Variants in MSI2 observed in about 807,000 individuals in gnomAD.
The protein encoded by MSI2 is RNA-binding protein Musashi homolog 2.
MSI2 carries 17 observed loss-of-function variants against 45.6 expected under a neutral mutation model. The observed-to-expected ratio is 0.37, with a 90% CI of 0.26 to 0.56. MSI2 has a LOEUF of 0.56. MSI2 is among the 20% of genes least tolerant of loss of function. The pLI is 0.77. For missense variants in MSI2, 293 were observed against 444.2 expected, an observed-to-expected ratio of 0.66 and a Z score of 3.06; for synonymous variants, 156 against 158.2, an observed-to-expected ratio of 0.99 and a Z score of 0.11.
In MSI2 at chr17:57,680,372, A is replaced by G. The variant is rs1452893002; in HGVS notation, c.*855A>G. The G allele has an allele frequency of 2.6e-5, 6 of 227,022 alleles. No individual in the cohort carries two copies. The highest frequency in any genetic ancestry group is 8.9e-5 in the African/African-American group (4 of 44,966). 14.1% of individuals were successfully genotyped at this position (227,022 alleles called of 1,614,324 possible). A position where few individuals can be genotyped will look rare whatever the true frequency, so the allele number is the denominator to read the frequency against. The stretch of plus-strand genomic sequence containing the variant: ...TTGTAAATACAATTCCATTAACTAC[A>G]TAGAAACTATTAAGAAAGAGAGAAT... On this transcript the variant is annotated 3_prime_UTR_variant, in exon 14 of 14. Coordinates refer to ENST00000284073, the MANE Select transcript of MSI2 (RefSeq NM_138962.4).
At chr17:57,581,933 A>G (rs1301493558) in intron 7 of MSI2, among the ~76,000 whole-genome samples, 1 of 152,254 alleles carries the variant, frequency 6.6e-6, no homozygotes, top group African/African-American at 2.4e-5. Flanking sequence ...AAATTTATTG[A>G]GACGAGTTCA....
intron 6 of MSI2, among the ~76,000 whole-genome samples, chr17:57,439,181 T>G (rs2084748945): frequency 6.6e-6 from 1 of 152,180 alleles, no homozygotes; most frequent in African/African-American, 2.4e-5. Flanking sequence ...GGCACATTTC[T>G]CCGTCCCTCT....
At chr17:57,666,064 G>T (rs1912340185) in intron 11 of MSI2, among the ~76,000 whole-genome samples, 1 of 152,190 alleles carries the variant, frequency 6.6e-6, no homozygotes, top group Admixed American at 6.5e-5. Context: ...CAGGGTCCAA[G>T]CCCTTAGGAG....
At chr17:57,451,912 G>T (rs1401828913) in intron 6 of MSI2, among the ~76,000 whole-genome samples, 1 of 152,188 alleles carries the variant, frequency 6.6e-6, no homozygotes, top group East Asian at 1.9e-4. Context: ...CAGCTGGCTA[G>T]CCGGTTCCAA....
Position 57,519,237 on chromosome 17 carries a change from G to A in MSI2, c.406-10439G>A, listed in dbSNP as rs199633455. On this transcript the variant is annotated intron_variant, in intron 6 of 13. Coordinates refer to ENST00000284073, the MANE Select transcript of MSI2 (RefSeq NM_138962.4). ...ACCCACAGCATTGGGTGTGGCTCCC[G>A]GCTTAACTGCATGGACCATGTATGG... 1.3e-4 allele frequency among the ~76,000 whole-genome samples: 20 copies of A among 152,284 alleles called. No individual in the cohort carries two copies. The East Asian group carries it at 1.9e-3, about 15-fold the overall frequency.
chr17:57,403,630 T>C (rs964207077), intron 6 of MSI2, among the ~76,000 whole-genome samples: 1 of 152,094 alleles, frequency 6.6e-6, no homozygotes, highest in Non-Finnish European at 1.5e-5. Context: ...TTTTAGTAGC[T>C]TTTTTTTCAT....
intron 6 of MSI2, among the ~76,000 whole-genome samples, chr17:57,514,402 C>T (rs905413518): frequency 6.6e-6 from 1 of 152,110 alleles, no homozygotes; most frequent in African/African-American, 2.4e-5. Context: ...GTGCTGTGGG[C>T]CTGTCATTCT....
At chr17:57,545,056 A>G (rs2087131940) in intron 7 of MSI2, among the ~76,000 whole-genome samples, 1 of 152,188 alleles carries the variant, frequency 6.6e-6, no homozygotes, top group Non-Finnish European at 1.5e-5. Context: ...GTGGAGAAAC[A>G]AGCACGTTTG....
At chr17:57,532,767 C>G (rs886251011) in intron 7 of MSI2, among the ~76,000 whole-genome samples, 7 of 152,232 alleles carry the variant, frequency 4.6e-5, no homozygotes, top group African/African-American at 1.7e-4. Flanking sequence ...AGGACATCTC[C>G]CTGGCTGGCG....
rs200184627 is a variant in MSI2, at chr17:57,644,210, AGTT to A, written c.728-7885_728-7883del. Among the ~76,000 whole-genome samples the A allele has an allele frequency of 9.3e-3, 1,338 of 144,212 alleles. 14 individuals carry two copies. Among genetic ancestry groups the A allele is most frequent in the African/African-American group, 0.032 (1,221 of 37,654 alleles). The allele number at this position is 144,212 out of a possible 152,430, so 94.6% of individuals were successfully genotyped here. On this transcript the variant is annotated intron_variant, in intron 10 of 13. Coordinates refer to ENST00000284073, the MANE Select transcript of MSI2 (RefSeq NM_138962.4). Reference sequence around the variant, plus strand: ...TTTAAATGCCAAGGACGCCAGGGTAAGTTGTTTTTTTTTTTTTTTTTTTCAAAT... The same window carrying A: ...TTTAAATGCCAAGGACGCCAGGGTAAGTTTTTTTTTTTTTTTTTTTCAAAT...
At chr17:57,475,887 C>T (rs1339693271) in intron 6 of MSI2, among the ~76,000 whole-genome samples, 1 of 152,226 alleles carries the variant, frequency 6.6e-6, no homozygotes, top group Non-Finnish European at 1.5e-5. Flanking sequence ...AAACTCCTGT[C>T]TGCCAATCTC....
At chr17:57,472,961 C>G (rs371691384) in intron 6 of MSI2, among the ~76,000 whole-genome samples, 1 of 151,790 alleles carries the variant, frequency 6.6e-6, no homozygotes, top group Non-Finnish European at 1.5e-5. Context: ...GGTGTCATCT[C>G]GGCTCACTGC....
At chr17:57,313,255 A>G (rs1912558381) in intron 5 of MSI2, among the ~76,000 whole-genome samples, 1 of 152,278 alleles carries the variant, frequency 6.6e-6, no homozygotes, top group South Asian at 2.1e-4. Flanking sequence ...GTATGCATTC[A>G]GAATGTGTTG....
chr17:57,496,766 C>A (rs1392383572), intron 6 of MSI2, among the ~76,000 whole-genome samples: 1 of 152,216 alleles, frequency 6.6e-6, no homozygotes, highest in Non-Finnish European at 1.5e-5. Context: ...CTGAACAGGG[C>A]AGGGCACCCA....
chr17:57,697,337 C>G, the MSI2 span, among the ~76,000 whole-genome samples: 2 of 151,932 alleles, frequency 1.3e-5, no homozygotes, highest in Admixed American at 6.6e-5. Context: ...CACACTCAGC[C>G]CTCTCACTCA....
At chr17:57,601,531 A>G (rs1905869047) in intron 8 of MSI2, 1 of 152,188 alleles carries the variant, frequency 6.6e-6, no homozygotes, top group Non-Finnish European at 1.5e-5. Flanking sequence ...TTGATGAGTC[A>G]CCACAGCCCA....
At chr17:57,272,675 G>GTCT (rs1365581656) in intron 5 of MSI2, among the ~76,000 whole-genome samples, 1 of 152,172 alleles carries the variant, frequency 6.6e-6, no homozygotes, top group Non-Finnish European at 1.5e-5. Flanking sequence ...AGAAACCTAG[G>GTCT]TCTTGCTGAT....
chr17:57,436,421 G>C (rs1379895405), intron 6 of MSI2, among the ~76,000 whole-genome samples: 4 of 152,222 alleles, frequency 2.6e-5, no homozygotes, highest in Non-Finnish European at 5.9e-5. Flanking sequence ...GTTCACAAAT[G>C]TGTGGGAAAA....
chr17:57,398,269 T>A (rs1486706321), intron 5 of MSI2, among the ~76,000 whole-genome samples: 1 of 152,232 alleles, frequency 6.6e-6, no homozygotes, highest in East Asian at 1.9e-4. Context: ...CCCGCCCGAC[T>A]CTAAACAGTG....
Sources: allele counts gnomAD v4.1 joint callset (sites outside exome capture counted in the v4.1 genomes callset), GRCh38; gene constraint gnomAD v4.1.1; transcripts MANE v1.5; gene names NCBI Gene and HGNC (gene_info 2026-07-23, HGNC 2026-07-21).